CIDEC: variants seen among roughly 807,000 people sequenced by gnomAD.
The protein encoded by CIDEC is cell death inducing DFFA like effector c.
A neutral mutation model predicts 21.9 loss-of-function variants in CIDEC; 11 were observed. That is an observed-to-expected ratio of 0.50 (90% CI 0.32 to 0.83). The LOEUF (loss-of-function observed/expected upper bound fraction) is 0.83. Ranked by LOEUF, CIDEC falls within the 40% of genes least tolerant of loss-of-function variation. CIDEC has a pLI of 0.04. For synonymous variants in CIDEC, 127 were observed against 124.9 expected, an observed-to-expected ratio of 1.02 and a Z score of -0.11; for missense variants, 302 against 302.3, an observed-to-expected ratio of 1.00 and a Z score of 0.01.
chr3:9,871,932 A>G (rs1023015503), intron 4 of CIDEC, among the ~76,000 whole-genome samples: 1 of 151,680 alleles, frequency 6.6e-6, no homozygotes, highest in Non-Finnish European at 1.5e-5. Flanking sequence ...ACCAGGCCCA[A>G]AAATCTTTTT....
At chr3:9,877,602 G>A (rs1490451583) in intron 3 of CIDEC, among the ~76,000 whole-genome samples, 1 of 152,172 alleles carries the variant, frequency 6.6e-6, no homozygotes, top group Non-Finnish European at 1.5e-5. Flanking sequence ...AGAGGTTGCA[G>A]TGAGCTGTGA....
chr3:9,877,052 G>A lies in CIDEC; in HGVS notation c.207+14C>T, dbSNP rs368701651. On this transcript the variant is annotated intron_variant, in intron 4 of 6. Coordinates refer to ENST00000336832, the MANE Select transcript of CIDEC (RefSeq NM_001321142.2). ...AGCTCACAGCTGGGCTGTGCAACGC[G>A]CAGGTGCTCTCACCTTGAGGAGGAG... 9 of 1,548,678 alleles carry A rather than the reference G, an allele frequency of 5.8e-6. No homozygotes were observed. The highest frequency in any genetic ancestry group is 2.0e-5 in the Admixed American group (1 of 51,002).
intron 4 of CIDEC, among the ~76,000 whole-genome samples, chr3:9,872,079 C>T (rs1002976342): frequency 6.6e-6 from 1 of 152,096 alleles, no homozygotes; most frequent in Non-Finnish European, 1.5e-5. Flanking sequence ...TCCTAAAGTG[C>T]TTGGATTACA....
Position 9,873,454 on chromosome 3 carries a change from A to G in CIDEC, c.208-3132T>C, listed in dbSNP as rs112838298. Among the ~76,000 whole-genome samples, 399 of 152,264 alleles carry G rather than the reference A, an allele frequency of 2.6e-3. 1 individual carries two copies. The highest frequency in any genetic ancestry group is 9.4e-3 in the African/African-American group (391 of 41,562). On this transcript the variant is annotated intron_variant, in intron 4 of 6. Transcript: ENST00000336832. ...AACACGGTGAAACCCTGTCTCTACT[A>G]AAAATACAAAAATTAGCCAGGCGTG...
At chr3:9,879,553 A>G (rs1194035071) in intron 1 of CIDEC, among the ~76,000 whole-genome samples, 1 of 152,170 alleles carries the variant, frequency 6.6e-6, no homozygotes, top group Non-Finnish European at 1.5e-5. Flanking sequence ...GTTGGCACCC[A>G]TATTAGATCA....
chr3:9,869,209 C>A (rs1427230463), intron 6 of CIDEC, among the ~76,000 whole-genome samples: 4 of 152,090 alleles, frequency 2.6e-5, no homozygotes, highest in Non-Finnish European at 5.9e-5. Context: ...CTTGCTAGTT[C>A]TCTCATTAAT....
chr3:9,869,732 C>T lies in CIDEC; in HGVS notation c.554+150G>A. ...GTGTCGTCCACAGCACTTCGAGAGC[C>T]CATCAGGCTCCGTGTTGTCTGATAC... On this transcript the variant is annotated intron_variant, in intron 6 of 6. Transcript: ENST00000336832. 3 of 738,250 alleles carry T rather than the reference C, an allele frequency of 4.1e-6. No homozygotes were observed. The South Asian group carries it at 4.7e-5, about 11-fold the overall frequency. The allele number at this position is 738,250 out of a possible 1,614,324, so 45.7% of individuals were successfully genotyped here. A position where few individuals can be genotyped will look rare whatever the true frequency, so the allele number is the denominator to read the frequency against.
At chr3:9,867,518 C>T (rs1467139166) in intron 6 of CIDEC, among the ~76,000 whole-genome samples, 1 of 152,030 alleles carries the variant, frequency 6.6e-6, no homozygotes, top group Non-Finnish European at 1.5e-5. Flanking sequence ...TACTCCAGAG[C>T]CTGAGGCAGG....
chr3:9,869,767 T>A, intron 6 of CIDEC, 115 bp downstream of exon 6: 1 of 954,978 alleles, frequency 1.0e-6, no homozygotes. Context: ...CAGGCTATGC[T>A]TTGTCAGCAC....
chr3:9,879,686 T>G (rs2082478390), intron 1 of CIDEC, among the ~76,000 whole-genome samples: 1 of 152,140 alleles, frequency 6.6e-6, no homozygotes, highest in Non-Finnish European at 1.5e-5. Context: ...AGTGCCCTTC[T>G]CTGATCCAGG....
At position 9,877,265 on chromosome 3, in the gene CIDEC, C is replaced by A. The variant is rs774284391; in HGVS notation, c.54-46G>T. The A allele has an allele frequency of 2.2e-5, 34 of 1,546,314 alleles. No individual in the cohort carries two copies. The East Asian group carries it at 6.8e-4, about 31-fold the overall frequency. On this transcript the variant is annotated intron_variant, in intron 3 of 6. Transcript: ENST00000336832. ...GGGTGAGCCACCCACTTTGCCCAAC[C>A]CTTGCCCACCACACAGGGGAGCCAC... is the stretch of plus-strand genomic sequence containing the variant.
At chr3:9,867,749 G>A (rs1163576283) in intron 6 of CIDEC, among the ~76,000 whole-genome samples, 2 of 152,120 alleles carry the variant, frequency 1.3e-5, no homozygotes, top group Non-Finnish European at 1.5e-5. Flanking sequence ...CCAACATGGC[G>A]AAACCCCGTC....
Position 9,867,104 on chromosome 3 carries a change from AC to A in CIDEC, c.*29del, listed in dbSNP as rs1167048396. ...GCGTGAGGCCCCCAGTCAGTCCTTC[AC>A]TGGGGAAAGCTTCCAAGGACTTGGG... On this transcript the variant is annotated 3_prime_UTR_variant, in exon 7 of 7. Transcript: ENST00000336832. 6.2e-7 allele frequency: 1 copy of A among 1,611,858 alleles called. No homozygotes were observed. Among genetic ancestry groups the A allele is most frequent in the Non-Finnish European group, 8.5e-7 (1 of 1,179,622 alleles).
Position 9,870,074 on chromosome 3 carries a change from A to G in CIDEC, c.367-5T>C. ...GGACAGTGGGTGCCTTGTCCCCTGC[A>G]TTGAGACAAGCAAATGGTTAGCACC... On this transcript the variant is annotated splice_region_variant and splice_polypyrimidine_tract_variant and intron_variant, in intron 5 of 6. Coordinates refer to ENST00000336832, the MANE Select transcript of CIDEC (RefSeq NM_001321142.2). 1.2e-6 allele frequency: 2 copies of G among 1,614,088 alleles called. No individual in the cohort carries two copies. The highest frequency in any genetic ancestry group is 1.7e-6 in the Non-Finnish European group (2 of 1,179,962).
Position 9,878,504 on chromosome 3 carries a change from C to T in CIDEC, c.-18G>A, listed in dbSNP as rs758769971. 2.4e-5 allele frequency: 39 copies of T among 1,613,558 alleles called. No individual in the cohort carries two copies. In the South Asian group the frequency reaches 2.9e-4, roughly 12 times the overall value. ...TATTCCATCCTTGTCAGCTGGACTGCGTTGGACCTGGGAAGGAGGCAGAAA... is the reference window on the plus strand; with the variant it reads ...TATTCCATCCTTGTCAGCTGGACTGTGTTGGACCTGGGAAGGAGGCAGAAA... On this transcript the variant is annotated 5_prime_UTR_variant, in exon 3 of 7. Transcript: ENST00000336832.
chr3:9,878,982 G>T lies in CIDEC; in HGVS notation c.-66C>A. 1 of 663,712 alleles carries T rather than the reference G, an allele frequency of 1.5e-6. No homozygotes were observed. Among genetic ancestry groups the T allele is most frequent in the Non-Finnish European group, 2.7e-6 (1 of 369,424 alleles). 41.1% of individuals were successfully genotyped at this position (663,712 alleles called of 1,614,324 possible). ...CTCACAGGCAGGCAGCCCAGTCAAA[G>T]CCTCCTCTCTCCCATGGGTCCTTGA... is the stretch of plus-strand genomic sequence containing the variant. On this transcript the variant is annotated 5_prime_UTR_variant, in exon 2 of 7. Transcript: ENST00000336832.
intron 6 of CIDEC, among the ~76,000 whole-genome samples, chr3:9,868,304 T>C (rs2082300515): frequency 6.6e-6 from 1 of 152,266 alleles, no homozygotes; most frequent in Non-Finnish European, 1.5e-5. Context: ...TGAGACACTC[T>C]GTTCTAGACT....
At chr3:9,874,821 C>T (rs538559163) in intron 4 of CIDEC, among the ~76,000 whole-genome samples, 3 of 152,212 alleles carry the variant, frequency 2.0e-5, no homozygotes, top group Admixed American at 6.5e-5. Flanking sequence ...GCCTCAAATT[C>T]CTAGGCTCAA....
Position 9,870,173 on chromosome 3 carries a change from T to C in CIDEC, c.357A>G (p.Pro119=), listed in dbSNP as rs1553563262. The change falls in exon 5 of 7, where the codon CCA becomes CCG. Residue 119 remains proline (P), a synonymous_variant. Coordinates refer to ENST00000336832, the MANE Select transcript of CIDEC (RefSeq NM_001321142.2). ...ACAGGTGGGACCTCACCTGTTCTGA[T>C]GGGGGCTGCCATTTCTGCCCCTTCT... ...VLQKGQKWQP[P]SEQGTRHPLS... is the part of the protein sequence containing the mutation. The C allele has an allele frequency of 6.2e-7, 1 of 1,613,944 alleles. No individual in the cohort carries two copies.
Sources: allele counts gnomAD v4.1 joint callset (sites outside exome capture counted in the v4.1 genomes callset), GRCh38; gene constraint gnomAD v4.1.1; transcripts MANE v1.5; gene names NCBI Gene and HGNC (gene_info 2026-07-23, HGNC 2026-07-21).